Variants in CSNK1G1 observed in about 807,000 individuals in gnomAD.
The protein encoded by CSNK1G1 is casein kinase 1 gamma 1, also known as casein kinase I isoform gamma-1.
CSNK1G1 carries 22 observed loss-of-function variants against 59.6 expected under a neutral mutation model. The observed-to-expected ratio is 0.37, with a 90% confidence interval of 0.26 to 0.53. The LOEUF is 0.53. CSNK1G1 is among the 20% of genes least tolerant of loss of function. The pLI, the probability that CSNK1G1 is intolerant of heterozygous loss-of-function variation, is 0.89. For missense variants in CSNK1G1, 384 were observed against 519.5 expected, an observed-to-expected ratio of 0.74 and a Z score of 2.54; for synonymous variants, 179 against 177.1, an observed-to-expected ratio of 1.01 and a Z score of -0.08.
At chr15:64,203,949 C>T (rs1052223485) in intron 9 of CSNK1G1, among the ~76,000 whole-genome samples, 3 of 151,892 alleles carry the variant, frequency 2.0e-5, no homozygotes, top group Admixed American at 6.6e-5. Context: ...TTGAGATCAG[C>T]CTGGCCAACA....
At chr15:64,255,430 G>A (rs563899974) in intron 3 of CSNK1G1, among the ~76,000 whole-genome samples, 10 of 151,980 alleles carry the variant, frequency 6.6e-5, no homozygotes, top group South Asian at 2.1e-4. Context: ...AACTTCCCTC[G>A]ACAATTCATG....
chr15:64,269,587 G>A (rs551359263), intron 2 of CSNK1G1, among the ~76,000 whole-genome samples: 23 of 147,732 alleles, frequency 1.6e-4, no homozygotes, highest in African/African-American at 4.7e-4. Flanking sequence ...TCTGCCTCCC[G>A]GGTTCAAGCG....
At chr15:64,244,148 G>A (rs768673991) in intron 4 of CSNK1G1, among the ~76,000 whole-genome samples, 15 of 152,060 alleles carry the variant, frequency 9.9e-5, no homozygotes, top group Non-Finnish European at 1.3e-4. Flanking sequence ...CAGCCTGGGC[G>A]ACAGAGCGAG....
At position 64,165,958 on chromosome 15, in the gene CSNK1G1, T is replaced by C. The variant is rs1441288619; in HGVS notation, c.*5973A>G. 4 of 629,680 alleles carry C rather than the reference T, an allele frequency of 6.4e-6. No individual in the cohort carries two copies. The East Asian group carries it at 8.6e-5, about 14-fold the overall frequency. The allele number at this position is 629,680 out of a possible 1,614,324, so 39.0% of individuals were successfully genotyped here. On this transcript the variant is annotated 3_prime_UTR_variant, in exon 12 of 12. Transcript: ENST00000303052. ...AGATTTTCCTAATGGTGCACAAATA[T>C]CTCTCCTGGAGGAACCATTTCAAAT...
chr15:64,221,544 A>G (rs777743268), intron 4 of CSNK1G1, among the ~76,000 whole-genome samples: 1 of 152,008 alleles, frequency 6.6e-6, no homozygotes, highest in Non-Finnish European at 1.5e-5. Context: ...AGCAACTTCT[A>G]GACCACTGAG....
Position 64,176,378 on chromosome 15 carries a change from G to A in CSNK1G1, c.1214+3970C>T. 2 of 398,112 alleles carry A rather than the reference G, an allele frequency of 5.0e-6. No homozygotes were observed. The highest frequency in any genetic ancestry group is 7.1e-5 in the East Asian group (2 of 28,072). The allele number at this position is 398,112 out of a possible 1,614,324, so 24.7% of individuals were successfully genotyped here. On this transcript the variant is annotated intron_variant, in intron 11 of 11. Transcript: ENST00000303052. The surrounding 1 kb of genome is among the most constrained non-coding windows in gnomAD (Gnocchi z 5.2). ...AGGTGAAATGGAAGCGACTCCCTGTGAGCCATGCAAACATGCAGTATGTGT... is the reference window on the plus strand; with the variant it reads ...AGGTGAAATGGAAGCGACTCCCTGTAAGCCATGCAAACATGCAGTATGTGT...
intron 2 of CSNK1G1, among the ~76,000 whole-genome samples, chr15:64,294,050 G>A (rs1322816311): frequency 1.3e-5 from 2 of 152,156 alleles, no homozygotes; most frequent in Non-Finnish European, 2.9e-5. Flanking sequence ...GAAACAAGAT[G>A]TTCATGCTCT....
At chr15:64,187,042 C>CA (rs544907101) in intron 10 of CSNK1G1, among the ~76,000 whole-genome samples, 3 of 151,630 alleles carry the variant, frequency 2.0e-5, no homozygotes, top group Non-Finnish European at 4.4e-5. Context: ...AGGATGGTCT[C>CA]AATCACTTGA....
intron 1 of CSNK1G1, among the ~76,000 whole-genome samples, chr15:64,304,979 C>T (rs1045483073): frequency 2.6e-5 from 4 of 152,128 alleles, no homozygotes; most frequent in African/African-American, 9.7e-5. Context: ...TCACAAGTTT[C>T]GGCTTCAGGC....
chr15:64,214,110 T>C lies in CSNK1G1; in HGVS notation c.459A>G (p.Glu153=). 1 of 1,612,834 alleles carries C rather than the reference T, an allele frequency of 6.2e-7. No homozygotes were observed. The highest frequency in any genetic ancestry group is 8.5e-7 in the Non-Finnish European group (1 of 1,178,856). The change falls in exon 6 of 12, where the codon GAA becomes GAG. Residue 153 remains glutamate (E), a synonymous_variant. Transcript: ENST00000303052. This position sits in a 1 kb window ranked among gnomAD's most constrained non-coding sequence, Gnocchi z 4.3. ...AAATGAGGTTCTTTGAGTGCACGTA[T>C]TCCATTCGAGAAAGCTGAAAGAGAA... ...MIAIQLLSRM[E]YVHSKNLIYR...
At chr15:64,323,505 A>C (rs561649219) in intron 1 of CSNK1G1, among the ~76,000 whole-genome samples, 4 of 152,026 alleles carry the variant, frequency 2.6e-5, no homozygotes, top group Admixed American at 2.6e-4. Context: ...AGCTGCGATT[A>C]CAGGCATGTG....
rs1333839569 is a variant in CSNK1G1, at chr15:64,167,306, C to G, written c.*4625G>C. On this transcript the variant is annotated 3_prime_UTR_variant, in exon 12 of 12. Coordinates refer to ENST00000303052, the MANE Select transcript of CSNK1G1 (RefSeq NM_022048.5). ...TCTTATTCAGAAACAAAATCACCCCCCATACACCAAAAAACAAACTGAAAA... is the reference window on the plus strand; with the variant it reads ...TCTTATTCAGAAACAAAATCACCCCGCATACACCAAAAAACAAACTGAAAA... 6.6e-6 allele frequency: 1 copy of G among 152,110 alleles called. No homozygotes were observed. Among genetic ancestry groups the G allele is most frequent in the African/African-American group, 2.4e-5 (1 of 41,406 alleles). The allele number at this position is 152,110 out of a possible 1,614,324, so 9.4% of individuals were successfully genotyped here.
chr15:64,249,231 C>CT (rs1652155229), intron 4 of CSNK1G1, among the ~76,000 whole-genome samples: 1 of 152,104 alleles, frequency 6.6e-6, no homozygotes, highest in Admixed American at 6.5e-5. Flanking sequence ...GTGGTGAACT[C>CT]TATGATTAGA....
intron 4 of CSNK1G1, among the ~76,000 whole-genome samples, chr15:64,243,063 C>T (rs1179065158): frequency 2.6e-5 from 4 of 152,030 alleles, no homozygotes; most frequent in Admixed American, 6.5e-5. Context: ...CGGCTGGGCG[C>T]GGTGGCTCTC....
At chr15:64,185,516 T>C (rs766810630) in intron 10 of CSNK1G1, among the ~76,000 whole-genome samples, 22 of 152,080 alleles carry the variant, frequency 1.4e-4, no homozygotes, top group Non-Finnish European at 2.6e-4. Context: ...GTAGAGGAAG[T>C]TGCATGTTTC....
intron 6 of CSNK1G1, among the ~76,000 whole-genome samples, chr15:64,212,911 C>T (rs995446642): frequency 6.6e-6 from 1 of 151,864 alleles, no homozygotes; most frequent in Non-Finnish European, 1.5e-5. Flanking sequence ...GAGGCTGAGG[C>T]AGGAGAATTG....
chr15:64,189,484 C>T (rs781172056), intron 10 of CSNK1G1: 4 of 1,227,172 alleles, frequency 3.3e-6, no homozygotes, highest in Non-Finnish European at 4.2e-6. Context: ...TAAGGCTCTA[C>T]AAAAATGAAA....
intron 1 of CSNK1G1, among the ~76,000 whole-genome samples, chr15:64,324,081 G>C (rs1368491193): frequency 6.6e-6 from 1 of 152,208 alleles, no homozygotes; most frequent in Non-Finnish European, 1.5e-5. Context: ...CTAGAAAGCA[G>C]TAGAGGCTTT....
At chr15:64,335,472 A>T (rs1324487503) in intron 1 of CSNK1G1, among the ~76,000 whole-genome samples, 2 of 152,172 alleles carry the variant, frequency 1.3e-5, no homozygotes, top group Admixed American at 6.6e-5. Context: ...AGTCACCATG[A>T]CTGCCTATAG....
Sources: allele counts gnomAD v4.1 joint callset (sites outside exome capture counted in the v4.1 genomes callset), GRCh38; gene constraint gnomAD v4.1.1; non-coding constraint Gnocchi (gnomAD v3.1); transcripts MANE v1.5; gene names NCBI Gene and HGNC (gene_info 2026-07-23, HGNC 2026-07-21).